ST8SIA4: variants seen among roughly 807,000 people sequenced by gnomAD.
ST8SIA4 encodes CMP-N-acetylneuraminate-poly-alpha-2,8-sialyltransferase.
In ST8SIA4, 15 loss-of-function variants were observed where a neutral mutation model predicts 33.9. That is an observed-to-expected ratio of 0.44 (90% CI 0.30 to 0.68). The LOEUF (loss-of-function observed/expected upper bound fraction) is 0.68, where lower values mean the gene tolerates loss of function less well. Ranked by LOEUF, ST8SIA4 falls within the 30% of genes least tolerant of loss-of-function variation. ST8SIA4 has a pLI of 0.10. For missense variants in ST8SIA4, 321 were observed against 428.0 expected (o/e 0.75, Z 2.21); for synonymous variants, 171 against 151.2 (o/e 1.13, Z -0.96).
chr5:100,900,922 G>C (rs1293930755), intron 1 of ST8SIA4, among the ~76,000 whole-genome samples: 1 of 152,184 alleles, frequency 6.6e-6, no homozygotes, highest in Non-Finnish European at 1.5e-5. Context: ...TTCCTGTTTG[G>C]TTTACTCAAG....
chr5:100,902,289 G>A (rs1752935544), intron 1 of ST8SIA4, among the ~76,000 whole-genome samples: 1 of 151,360 alleles, frequency 6.6e-6, no homozygotes, highest in Non-Finnish European at 1.5e-5. Flanking sequence ...AGCCGTAGAA[G>A]AACAAATAAG....
At chr5:100,835,708 C>T (rs1457868423) in intron 4 of ST8SIA4, among the ~76,000 whole-genome samples, 1 of 152,080 alleles carries the variant, frequency 6.6e-6, no homozygotes, top group Non-Finnish European at 1.5e-5. Context: ...TAGATATTCA[C>T]CAACAATTAA....
intron 4 of ST8SIA4, among the ~76,000 whole-genome samples, chr5:100,815,510 A>T (rs1020770690): frequency 1.5e-4 from 22 of 149,938 alleles, no homozygotes; most frequent in African/African-American, 4.9e-4. Context: ...TGTATGAAAC[A>T]TTCACTCTGG....
At chr5:100,821,647 A>G (rs937111504) in intron 4 of ST8SIA4, among the ~76,000 whole-genome samples, 10 of 98,574 alleles carry the variant, frequency 1.0e-4, no homozygotes, top group Non-Finnish European at 2.4e-4. Context: ...ATTCCATTGA[A>G]TAATGTAACA....
chr5:100,901,842 C>T (rs1179180622), intron 1 of ST8SIA4, among the ~76,000 whole-genome samples: 2 of 152,120 alleles, frequency 1.3e-5, no homozygotes, highest in Admixed American at 1.3e-4. Context: ...TGTTAGCAGT[C>T]CCATCTCTCT....
At chr5:100,892,875 T>C (rs1182709768) in intron 2 of ST8SIA4, among the ~76,000 whole-genome samples, 2 of 151,918 alleles carry the variant, frequency 1.3e-5, no homozygotes, top group East Asian at 1.9e-4. Context: ...TTAGGACAAA[T>C]ACTTTATGCA....
intron 4 of ST8SIA4, among the ~76,000 whole-genome samples, chr5:100,823,088 G>A (rs1388686446): frequency 1.3e-5 from 2 of 151,992 alleles, no homozygotes; most frequent in Admixed American, 6.6e-5. Flanking sequence ...CTGAGATGGC[G>A]CCACTGCACT....
intron 3 of ST8SIA4, among the ~76,000 whole-genome samples, chr5:100,880,057 A>G (rs1028321516): frequency 6.6e-6 from 1 of 152,116 alleles, no homozygotes; most frequent in Non-Finnish European, 1.5e-5. Context: ...AGACCATGAT[A>G]GAACACTTTT....
At chr5:100,878,089 A>C (rs550527739) in intron 3 of ST8SIA4, among the ~76,000 whole-genome samples, 93 of 152,260 alleles carry the variant, frequency 6.1e-4, no homozygotes, top group Middle Eastern at 6.8e-3. Context: ...GGTTTGAAGG[A>C]TATATTCTTA....
chr5:100,836,829 A>T (rs1751372369), intron 4 of ST8SIA4, among the ~76,000 whole-genome samples: 1 of 152,038 alleles, frequency 6.6e-6, no homozygotes, highest in Non-Finnish European at 1.5e-5. Context: ...AAAAAATAAA[A>T]TCCATCAGAG....
intron 3 of ST8SIA4, among the ~76,000 whole-genome samples, chr5:100,858,633 G>C (rs1561397019): frequency 6.6e-6 from 1 of 152,012 alleles, no homozygotes; most frequent in African/African-American, 2.4e-5. Flanking sequence ...AAAGCTGAAG[G>C]CTGAAAGATA....
intron 4 of ST8SIA4, among the ~76,000 whole-genome samples, chr5:100,815,880 TAA>T (rs1750905941): frequency 6.6e-6 from 1 of 152,112 alleles, no homozygotes; most frequent in Non-Finnish European, 1.5e-5. Flanking sequence ...ACAGTAAAGG[TAA>T]AAGAACATAA....
At chr5:100,824,334 A>G (rs1023564578) in intron 4 of ST8SIA4, among the ~76,000 whole-genome samples, 4 of 152,236 alleles carry the variant, frequency 2.6e-5, no homozygotes, top group African/African-American at 9.6e-5. Context: ...AGAGTGCTAG[A>G]GTATAAACTG....
chr5:100,890,970 C>T (rs1049519130), intron 2 of ST8SIA4: 1 of 151,826 alleles, frequency 6.6e-6, no homozygotes, highest in Non-Finnish European at 1.5e-5. Flanking sequence ...TTCAACGTCA[C>T]CTATCACTTG....
At chr5:100,872,718 G>A (rs975492139) in intron 3 of ST8SIA4, among the ~76,000 whole-genome samples, 1 of 151,976 alleles carries the variant, frequency 6.6e-6, no homozygotes, top group Non-Finnish European at 1.5e-5. Flanking sequence ...CAGCCATATG[G>A]AATTGTGAGT....
intron 4 of ST8SIA4, among the ~76,000 whole-genome samples, chr5:100,822,940 G>C (rs1751059401): frequency 6.6e-6 from 1 of 152,106 alleles, no homozygotes; most frequent in Admixed American, 6.6e-5. Context: ...GATCATCCTG[G>C]CTAACACGGT....
At chr5:100,829,497 A>T (rs1331032705) in intron 4 of ST8SIA4, among the ~76,000 whole-genome samples, 2 of 152,210 alleles carry the variant, frequency 1.3e-5, no homozygotes, top group Non-Finnish European at 1.5e-5. Flanking sequence ...AAACAATAGG[A>T]TATTGACAGT....
At chr5:100,857,753 A>C (rs1041057841) in intron 3 of ST8SIA4, among the ~76,000 whole-genome samples, 1 of 152,006 alleles carries the variant, frequency 6.6e-6, no homozygotes, top group Admixed American at 6.6e-5. Context: ...TAATTAATAT[A>C]TCTTGTTACT....
intron 4 of ST8SIA4, among the ~76,000 whole-genome samples, chr5:100,816,217 A>G (rs1026583939): frequency 2.6e-5 from 4 of 152,290 alleles, no homozygotes; most frequent in East Asian, 1.9e-4. Flanking sequence ...TCAGGTTGTA[A>G]CACATTGCAA....
Sources: gnomAD v4.1 joint callset for allele counts (sites outside exome capture counted in the v4.1 genomes callset) on GRCh38, gnomAD v4.1.1 for gene constraint, MANE v1.5 for transcripts, NCBI Gene and HGNC (gene_info 2026-07-23, HGNC 2026-07-21) for gene names.